The following ZNF442 variants were observed in gnomAD, a reference collection of about 807,000 sequenced individuals.
ZNF442 encodes the protein zinc finger protein 442.
In ZNF442, 45 loss-of-function variants were observed where a neutral mutation model predicts 57.0. The observed-to-expected ratio is 0.79, with a 90% CI of 0.62 to 1.01. ZNF442 has a LOEUF of 1.01. Among genes scored for constraint, ZNF442 ranks in the 50% least tolerant of loss-of-function variants. The probability of loss-of-function intolerance (pLI) is 0.00; values close to 1 mark genes in which losing one functional copy is unlikely to be tolerated. For synonymous variants in ZNF442, 213 were observed against 241.8 expected, an observed-to-expected ratio of 0.88 and a Z score of 1.10; for missense variants, 690 against 756.5, an observed-to-expected ratio of 0.91 and a Z score of 1.03.
Position 12,349,648 on chromosome 19 carries a change from G to A in ZNF442, c.*53C>T. The A allele has an allele frequency of 6.6e-7, 1 of 1,524,974 alleles. No individual in the cohort carries two copies. Among genetic ancestry groups the A allele is most frequent in the South Asian group, 1.3e-5 (1 of 76,990 alleles). The allele number at this position is 1,524,974 out of a possible 1,614,324, so 94.5% of individuals were successfully genotyped here. On this transcript the variant is annotated 3_prime_UTR_variant, in exon 6 of 6. Coordinates refer to ENST00000242804, the MANE Select transcript of ZNF442 (RefSeq NM_030824.3). ...CATTCATGAGGCTTATCTCCTATGT[G>A]ATTTCTTTCACGTTTCTGAAATGAA...
chr19:12,359,269 A>C (rs745401684), intron 3 of ZNF442, among the ~76,000 whole-genome samples: 2 of 152,210 alleles, frequency 1.3e-5, no homozygotes, highest in African/African-American at 2.4e-5. Context: ...CAGGCTGCTG[A>C]TAATGTTGAA....
chr19:12,359,427 C>A (rs912497086), intron 3 of ZNF442, among the ~76,000 whole-genome samples: 3 of 152,130 alleles, frequency 2.0e-5, no homozygotes, highest in African/African-American at 7.2e-5. Flanking sequence ...TTATGCCCCT[C>A]CCCCCTTCTC....
At chr19:12,352,896 C>A in intron 4 of ZNF442, 92 bp downstream of exon 4, 1 of 1,468,238 alleles carries the variant, frequency 6.8e-7, no homozygotes, top group Non-Finnish European at 9.2e-7. Context: ...TCAACTATAT[C>A]CCCTTTCGGT....
In ZNF442 at chr19:12,353,046, T is replaced by A; in HGVS notation, c.147A>T (p.Ser49=). The change falls in exon 4 of 6, where the codon TCA becomes TCT. Residue 49 remains serine, a synonymous_variant. Transcript: ENST00000242804. Reference sequence around the variant, plus strand: ...TCACATCTCTGTACAGACTCTTCTGTGATGGACCCAGCAAAGCCCACTCTT... The same window carrying A: ...TCACATCTCTGTACAGACTCTTCTGAGATGGACCCAGCAAAGCCCACTCTT... ...TQEEWALLGP[S]QKSLYRDVMW... 6.2e-7 allele frequency: 1 copy of A among 1,613,666 alleles called. No individual in the cohort carries two copies. The highest frequency in any genetic ancestry group is 8.5e-7 in the Non-Finnish European group (1 of 1,179,868).
At chr19:12,358,011 G>A (rs1969362479) in intron 3 of ZNF442, among the ~76,000 whole-genome samples, 1 of 149,212 alleles carries the variant, frequency 6.7e-6, no homozygotes, top group African/African-American at 2.5e-5. Flanking sequence ...CGCCCAGGCT[G>A]GAGTGCAATG....
rs544770370 is a variant in ZNF442 at position 12,361,615 on chromosome 19, T to C, written c.78+1939A>G. 5.3e-5 allele frequency among the ~76,000 whole-genome samples: 8 copies of C among 149,868 alleles called. No homozygotes were observed. In the South Asian group the frequency reaches 1.7e-3, roughly 31 times the overall value. On this transcript the variant is annotated intron_variant, in intron 3 of 5. Transcript: ENST00000242804. The stretch of plus-strand genomic sequence containing the variant: ...AATCAGAGAAACTTACTTGACAGAC[T>C]GGGGGAAAAAAAAAGTAAATGAAGG...
chr19:12,369,935 G>C (rs1009191360), upstream of ZNF442, among the ~76,000 whole-genome samples: 6 of 151,188 alleles, frequency 4.0e-5, no homozygotes, highest in Admixed American at 1.3e-4. Flanking sequence ...GAAAGCTGCC[G>C]TGACTTTCTT....
chr19:12,373,533 C>T, the ZNF442 span: 2 of 154,590 alleles, frequency 1.3e-5, no homozygotes, highest in Non-Finnish European at 2.9e-5. Flanking sequence ...CAAAGTAAGA[C>T]TCTGTCTTTA....
At chr19:12,370,924 G>C in the ZNF442 span, among the ~76,000 whole-genome samples, 1 of 147,040 alleles carries the variant, frequency 6.8e-6, no homozygotes, top group African/African-American at 2.5e-5. Context: ...AGTGAGCCAA[G>C]ACCGCACCAT....
the ZNF442 span, chr19:12,373,499 C>T: frequency 8.7e-3 from 1,333 of 153,274 alleles, 18 homozygotes; most frequent in African/African-American, 0.031. Flanking sequence ...CTGTGATCCC[C>T]CAATTACACT....
At chr19:12,360,519 C>T (rs113992826) in intron 3 of ZNF442, among the ~76,000 whole-genome samples, 4 of 152,332 alleles carry the variant, frequency 2.6e-5, no homozygotes, top group African/African-American at 9.6e-5. Context: ...TCCTCCCATG[C>T]CTTACATGGA....
At chr19:12,354,584 G>A (rs967958528) in intron 3 of ZNF442, among the ~76,000 whole-genome samples, 5 of 150,076 alleles carry the variant, frequency 3.3e-5, no homozygotes, top group African/African-American at 7.4e-5. Flanking sequence ...TTTTTTTGGA[G>A]GGGGGAGACA....
In ZNF442 at chr19:12,363,624, A is replaced by ACAAT; in HGVS notation, c.4_7dup (p.Val3AspfsTer10). 1 of 1,614,142 alleles carries ACAAT rather than the reference A, an allele frequency of 6.2e-7. No homozygotes were observed. Among genetic ancestry groups the ACAAT allele is most frequent in the Non-Finnish European group, 8.5e-7 (1 of 1,179,980 alleles). On this transcript the variant is annotated frameshift_variant, in exon 3 of 6. Transcript: ENST00000242804. LOFTEE classifies it high-confidence loss of function. Reference sequence around the variant, plus strand: ...ATCACTTCTGTCTTCTCCCCCAAATACAATCATTCAACTGGCTGACCAGCC... The same window carrying ACAAT: ...ATCACTTCTGTCTTCTCCCCCAAATACAATCAATCATTCAACTGGCTGACCAGCC...
Position 12,365,157 on chromosome 19 carries a change from C to G in ZNF442, c.-396G>C, listed in dbSNP as rs1219423157. ...CGGAACTGGGGTCTTCTCTCCTCTC[C>G]CCCTATTAAACTGTTTCTGCTGCAG... On this transcript the variant is annotated 5_prime_UTR_variant, in exon 2 of 6. Transcript: ENST00000242804. 1 of 154,232 alleles carries G rather than the reference C, an allele frequency of 6.5e-6. No individual in the cohort carries two copies. Among genetic ancestry groups the G allele is most frequent in the Admixed American group, 6.5e-5 (1 of 15,310 alleles). 9.6% of individuals were successfully genotyped at this position (154,232 alleles called of 1,614,324 possible).
chr19:12,353,082 G>A lies in ZNF442; in HGVS notation c.111C>T (p.Asn37=), dbSNP rs1969271274. 1.9e-6 allele frequency: 3 copies of A among 1,613,136 alleles called. No individual in the cohort carries two copies. In the East Asian group the frequency reaches 6.7e-5, roughly 36 times the overall value. The change falls in exon 4 of 6, where the codon AAC becomes AAT. Residue 37 remains asparagine, a synonymous_variant. Coordinates refer to ENST00000242804, the MANE Select transcript of ZNF442 (RefSeq NM_030824.3). ...GCAAAGCCCACTCTTCCTGGGTGAA[G>A]TTCACCGCCACATCCTCAAAGGCTA... ...DSVAFEDVAV[N]FTQEEWALLG... is the part of the protein sequence containing the mutation.
Position 12,350,345 on chromosome 19 carries a change from A to C in ZNF442, c.1240T>G (p.Phe414Val). Reference sequence around the variant, plus strand: ...CCTTGAAATACACTGGGATAAATGAAGGCTTTCCCACATACCTTGCATTTG... The same window carrying C: ...CCTTGAAATACACTGGGATAAATGACGGCTTTCCCACATACCTTGCATTTG... Reference protein sequence around the residue: ...PHKCKVCGKAFIYPSVFQGHE... With the variant: ...PHKCKVCGKAVIYPSVFQGHE... The change falls in exon 6 of 6, where the codon TTC becomes GTC. Residue 414 changes from phenylalanine (F) to valine (V), a missense_variant. Transcript: ENST00000242804. 1 of 1,613,954 alleles carries C rather than the reference A, an allele frequency of 6.2e-7. No homozygotes were observed.
intron 3 of ZNF442, among the ~76,000 whole-genome samples, chr19:12,354,243 C>T (rs1451322810): frequency 1.3e-5 from 2 of 152,084 alleles, no homozygotes; most frequent in Non-Finnish European, 2.9e-5. Flanking sequence ...CATTTAGAAG[C>T]CAGCAACAGG....
intron 3 of ZNF442, among the ~76,000 whole-genome samples, chr19:12,357,526 T>G (rs570266750): frequency 6.6e-6 from 1 of 152,102 alleles, no homozygotes; most frequent in South Asian, 2.1e-4. Context: ...TAATTTTGTG[T>G]ATTTTTAGTA....
Position 12,346,171 on chromosome 19 carries a change from T to C in ZNF442, c.*3530A>G, listed in dbSNP as rs983448936. On this transcript the variant is annotated 3_prime_UTR_variant, in exon 6 of 6. Coordinates refer to ENST00000242804, the MANE Select transcript of ZNF442 (RefSeq NM_030824.3). ...ATTCCTACAACTCTCTTCCAAGCACTTGGGAGCTGAAAAAAGAAAGAAATT... is the reference window on the plus strand; with the variant it reads ...ATTCCTACAACTCTCTTCCAAGCACCTGGGAGCTGAAAAAAGAAAGAAATT... 7 of 152,056 alleles carry C rather than the reference T, an allele frequency of 4.6e-5. No homozygotes were observed. The highest frequency in any genetic ancestry group is 1.7e-4 in the African/African-American group (7 of 41,404). 9.4% of individuals were successfully genotyped at this position (152,056 alleles called of 1,614,324 possible).
Sources: gnomAD v4.1 joint callset for allele counts (sites outside exome capture counted in the v4.1 genomes callset) on GRCh38, gnomAD v4.1.1 for gene constraint, MANE v1.5 for transcripts, NCBI Gene and HGNC (gene_info 2026-07-23, HGNC 2026-07-21) for gene names.